GAREM1: variants seen among roughly 807,000 people sequenced by gnomAD.
GAREM1 encodes GRB2-associated and regulator of MAPK protein 1.
GAREM1 carries 26 observed loss-of-function variants against 71.3 expected under a neutral mutation model. The observed-to-expected ratio is 0.36, with a 90% confidence interval of 0.27 to 0.51. The LOEUF (loss-of-function observed/expected upper bound fraction) is 0.51. GAREM1 is among the 20% of genes least tolerant of loss of function. The pLI, the probability that GAREM1 is intolerant of heterozygous loss-of-function variation, is 0.95. For missense variants in GAREM1, 1,026 were observed against 1,103.1 expected (o/e 0.93, Z 0.99); for synonymous variants, 440 against 433.2 (o/e 1.02, Z -0.20).
rs200207547 is a variant in GAREM1, at chr18:32,310,266, T to C, written c.320A>G (p.Asn107Ser). 97 of 1,614,046 alleles carry C rather than the reference T, an allele frequency of 6.0e-5. No homozygotes were observed. The highest frequency in any genetic ancestry group is 4.7e-4 in the East Asian group (21 of 44,886). Residue 107 changes from asparagine to serine, a missense_variant, in exon 3 of 6, where the codon AAC (asparagine) becomes AGC (serine). Asn to Ser is a conservative substitution (Grantham distance 46). This residue lies in a region of GAREM1 where 172 missense variants were observed against 175.2 expected (regional missense o/e 0.98). Coordinates refer to ENST00000269209, the MANE Select transcript of GAREM1 (RefSeq NM_001242409.2). ...RDIKEPVQYFNSVEEVAKAFP... is the reference protein window; with the variant it reads ...RDIKEPVQYFSSVEEVAKAFP... ...TGCCTTAGCCACCTCCTCCACACTG[T>C]TGAAATATTGCACTGGCTCCTTTAT...
At chr18:32,401,806 A>G (rs1423065773) in intron 1 of GAREM1, among the ~76,000 whole-genome samples, 2 of 152,228 alleles carry the variant, frequency 1.3e-5, no homozygotes, top group Admixed American at 1.3e-4. Flanking sequence ...ATTTTATCCC[A>G]CAGTGGGCTC....
intron 3 of GAREM1, among the ~76,000 whole-genome samples, chr18:32,308,261 A>G (rs989937189): frequency 7.5e-6 from 1 of 133,946 alleles, no homozygotes; most frequent in Non-Finnish European, 1.7e-5. Context: ...ATGGTATTCT[A>G]TATTAAAAAA....
At chr18:32,393,181 T>C (rs76950023) in intron 1 of GAREM1, 146 bp from the exon 2 acceptor site, 13 of 147,482 alleles carry the variant, frequency 8.8e-5, no homozygotes, top group African/African-American at 1.9e-4. Context: ...CTCTGAATTG[T>C]TTTTTTTTTT....
chr18:32,270,027 C>T (rs1249002896), intron 5 of GAREM1, among the ~76,000 whole-genome samples, 190 bp downstream of exon 5: 1 of 152,116 alleles, frequency 6.6e-6, no homozygotes. Flanking sequence ...AAGACATTGG[C>T]TCTTCCATTC....
At chr18:32,429,691 A>G (rs1028621233) in intron 1 of GAREM1, among the ~76,000 whole-genome samples, 2 of 152,226 alleles carry the variant, frequency 1.3e-5, no homozygotes, top group Non-Finnish European at 2.9e-5. Flanking sequence ...GGTGCTTGAT[A>G]CCATTTTAAT....
chr18:32,464,650 C>T (rs927636451), intron 1 of GAREM1, among the ~76,000 whole-genome samples: 1 of 152,148 alleles, frequency 6.6e-6, no homozygotes, highest in Admixed American at 6.5e-5. Flanking sequence ...ATACTCAAAA[C>T]GAAACACACT....
At chr18:32,343,491 G>C (rs2047667559) in intron 2 of GAREM1, among the ~76,000 whole-genome samples, 1 of 151,948 alleles carries the variant, frequency 6.6e-6, no homozygotes, top group Non-Finnish European at 1.5e-5. Flanking sequence ...GGTAGAGACT[G>C]AGTTTCACCG....
rs772568228 is a variant in GAREM1, at chr18:32,287,011, C to A, written c.1566+20G>T. 7.1e-5 allele frequency: 112 copies of A among 1,577,404 alleles called. No individual in the cohort carries two copies. Among genetic ancestry groups the A allele is most frequent in the Non-Finnish European group, 9.6e-5 (110 of 1,150,642 alleles). Reference sequence around the variant, plus strand: ...GAGACAGAAAGACTGGCACCGCATTCAAAAACAGAAATGACTTACGGCTTC... The same window carrying A: ...GAGACAGAAAGACTGGCACCGCATTAAAAAACAGAAATGACTTACGGCTTC... On this transcript the variant is annotated intron_variant, in intron 4 of 5. Transcript: ENST00000269209. The surrounding 1 kb of genome is among the most constrained non-coding windows in gnomAD (Gnocchi z 5.9).
intron 1 of GAREM1, among the ~76,000 whole-genome samples, chr18:32,459,413 T>C (rs576697146): frequency 1.3e-5 from 2 of 152,152 alleles, no homozygotes; most frequent in Admixed American, 6.5e-5. Context: ...AGATTCCCTT[T>C]GATCCTATGT....
At chr18:32,468,271 C>T (rs927230409) in intron 1 of GAREM1, among the ~76,000 whole-genome samples, 1 of 152,130 alleles carries the variant, frequency 6.6e-6, no homozygotes, top group Non-Finnish European at 1.5e-5. Context: ...TTAATAATGT[C>T]CACAATAGGG....
rs1323741190 is a variant in GAREM1, at chr18:32,266,212, A to G, written c.*1659T>C. 1 of 152,232 alleles carries G rather than the reference A, an allele frequency of 6.6e-6. No homozygotes were observed. The highest frequency in any genetic ancestry group is 2.4e-5 in the African/African-American group (1 of 41,460). The allele number at this position is 152,232 out of a possible 1,614,324, so 9.4% of individuals were successfully genotyped here. On this transcript the variant is annotated 3_prime_UTR_variant, in exon 6 of 6. Transcript: ENST00000269209. ...TAAAACCACGATATGGATTAAAAAT[A>G]TCTTTCTTCTAATGCCAAGAAATAA...
rs142507582 is a variant in GAREM1, at chr18:32,305,795, C to T, written c.393+4398G>A. On this transcript the variant is annotated intron_variant, in intron 3 of 5. Coordinates refer to ENST00000269209, the MANE Select transcript of GAREM1 (RefSeq NM_001242409.2). ...TTGGCCTCCCAAAGTGCTGGGATTACATGCATGAGCCACTGCACCCAGCCC... is the reference window on the plus strand; with the variant it reads ...TTGGCCTCCCAAAGTGCTGGGATTATATGCATGAGCCACTGCACCCAGCCC... 5.2e-3 allele frequency among the ~76,000 whole-genome samples: 785 copies of T among 152,358 alleles called. 3 individuals are homozygous for T. Among genetic ancestry groups the T allele is most frequent in the Non-Finnish European group, 7.2e-3 (490 of 68,042 alleles).
At chr18:32,318,517 G>A (rs949345480) in intron 2 of GAREM1, among the ~76,000 whole-genome samples, 13 of 152,154 alleles carry the variant, frequency 8.5e-5, no homozygotes, top group African/African-American at 3.1e-4. Context: ...GCCGAGATAT[G>A]AAGAAATAAA....
intron 2 of GAREM1, among the ~76,000 whole-genome samples, chr18:32,334,588 G>A (rs1030242648): frequency 9.2e-5 from 14 of 152,192 alleles, no homozygotes; most frequent in African/African-American, 3.4e-4. Context: ...GGAAGCGGAG[G>A]AACAGGAGAT....
intron 1 of GAREM1, among the ~76,000 whole-genome samples, chr18:32,415,686 A>G (rs2048459883): frequency 6.6e-6 from 1 of 152,152 alleles, no homozygotes; most frequent in Non-Finnish European, 1.5e-5. Flanking sequence ...TTTATGATAA[A>G]AAAACCTCAA....
chr18:32,433,190 G>A (rs1294577517), intron 1 of GAREM1, among the ~76,000 whole-genome samples: 2 of 148,626 alleles, frequency 1.3e-5, no homozygotes, highest in Non-Finnish European at 3.0e-5. Context: ...CGTATCAATT[G>A]ATGTAGAAAA....
intron 2 of GAREM1, among the ~76,000 whole-genome samples, chr18:32,332,751 A>T (rs2047550182): frequency 6.6e-6 from 1 of 152,162 alleles, no homozygotes; most frequent in African/African-American, 2.4e-5. Flanking sequence ...AACCTAGAGA[A>T]GAGTTCAGTG....
chr18:32,288,814 T>C (rs564537714), intron 3 of GAREM1, among the ~76,000 whole-genome samples: 72 of 152,234 alleles, frequency 4.7e-4, no homozygotes, highest in African/African-American at 1.7e-3. Context: ...ATATACACAA[T>C]TCTGTTACCT....
At chr18:32,301,670 C>T (rs191018129) in intron 3 of GAREM1, among the ~76,000 whole-genome samples, 29 of 152,280 alleles carry the variant, frequency 1.9e-4, no homozygotes, top group African/African-American at 7.0e-4. Flanking sequence ...CTATATGGAC[C>T]TGATTGAGAA....
Sources: gnomAD v4.1 joint callset for allele counts (sites outside exome capture counted in the v4.1 genomes callset) on GRCh38, gnomAD v4.1.1 for gene constraint, gnomAD v4.1.1 regional missense constraint, Gnocchi (gnomAD v3.1) non-coding constraint, MANE v1.5 for transcripts, NCBI Gene and HGNC (gene_info 2026-07-23, HGNC 2026-07-21) for gene names.